Variants in FERRY3 observed in about 807,000 individuals in gnomAD.
FERRY3 encodes the protein protein C12orf4.
chr12:4,492,893 C>T, the FERRY3 span, among the ~76,000 whole-genome samples: 3 of 152,166 alleles, frequency 2.0e-5, no homozygotes, highest in African/African-American at 2.4e-5. Flanking sequence ...GCCAAAGCTA[C>T]TTTAAGCTTC....
At chr12:4,529,808 T>C in the FERRY3 span, 2 of 1,348,464 alleles carry the variant, frequency 1.5e-6, no homozygotes, top group Non-Finnish European at 2.0e-6. Flanking sequence ...CAAGTTGTTC[T>C]GCAGGCCATC....
the FERRY3 span, chr12:4,535,963 C>A: frequency 7.3e-7 from 1 of 1,366,568 alleles, no homozygotes; most frequent in Middle Eastern, 1.9e-4. The surrounding 1 kb of genome is among the most constrained non-coding windows in gnomAD (Gnocchi z 4.0). Context: ...CTTCCAATGA[C>A]AGACTATTGA....
chr12:4,491,902 G>A, the FERRY3 span, among the ~76,000 whole-genome samples: 15,561 of 152,080 alleles, frequency 0.1, 890 homozygotes, highest in Non-Finnish European at 0.11. Flanking sequence ...AAACTTTGCG[G>A]GTCTCAGGAT....
chr12:4,504,638 G>T, the FERRY3 span, among the ~76,000 whole-genome samples: 2 of 152,318 alleles, frequency 1.3e-5, no homozygotes, highest in Non-Finnish European at 2.9e-5. Context: ...AGGCTGAGAA[G>T]TGTATAGTTT....
At chr12:4,534,248 T>C in the FERRY3 span, 2 of 1,612,714 alleles carry the variant, frequency 1.2e-6, no homozygotes, top group Non-Finnish European at 1.7e-6. Flanking sequence ...AGCATCTCTA[T>C]CATAATCGCT....
the FERRY3 span, chr12:4,500,268 T>C: frequency 7.4e-6 from 12 of 1,613,966 alleles, no homozygotes; most frequent in Non-Finnish European, 6.8e-6. Flanking sequence ...CGATTTCACA[T>C]GGTCATCCAC....
the FERRY3 span, among the ~76,000 whole-genome samples, chr12:4,529,222 G>A: frequency 7.2e-5 from 11 of 152,152 alleles, no homozygotes; most frequent in African/African-American, 2.6e-4. Context: ...AATAATAAAA[G>A]CATTGTTTGT....
chr12:4,509,542 T>A, the FERRY3 span, among the ~76,000 whole-genome samples: 4 of 149,182 alleles, frequency 2.7e-5, no homozygotes, highest in Admixed American at 2.6e-4. Context: ...AGCACGCGGC[T>A]GGAGATCTGA....
the FERRY3 span, among the ~76,000 whole-genome samples, chr12:4,526,720 T>G: frequency 6.6e-6 from 1 of 151,964 alleles, no homozygotes; most frequent in East Asian, 1.9e-4. Context: ...CGGGCGCCTG[T>G]AATCCCAGCT....
chr12:4,488,030 T>G, the FERRY3 span: 1 of 152,342 alleles, frequency 6.6e-6, no homozygotes, highest in South Asian at 2.1e-4. The surrounding 1 kb of genome is among the most constrained non-coding windows in gnomAD (Gnocchi z 4.9). Context: ...ATATATTTAT[T>G]ATTAGCTTGG....
At chr12:4,536,728 G>A in the FERRY3 span, among the ~76,000 whole-genome samples, 13 of 152,224 alleles carry the variant, frequency 8.5e-5, no homozygotes, top group African/African-American at 3.1e-4. Flanking sequence ...AGAAAAGAGA[G>A]AGTACAGGAC....
chr12:4,493,859 G>A, the FERRY3 span, among the ~76,000 whole-genome samples: 251 of 152,264 alleles, frequency 1.6e-3, no homozygotes, highest in African/African-American at 5.6e-3. Context: ...TTGGGAGGCC[G>A]AGGCAGGCGG....
At chr12:4,510,765 C>A in the FERRY3 span, among the ~76,000 whole-genome samples, 5 of 143,846 alleles carry the variant, frequency 3.5e-5, no homozygotes, top group African/African-American at 5.3e-5. Context: ...TGGAAAGGAA[C>A]AACCGGTACC....
the FERRY3 span, chr12:4,500,028 A>T: frequency 3.8e-6 from 4 of 1,053,876 alleles, no homozygotes; most frequent in Admixed American, 9.6e-5. Context: ...GAGATGCAAA[A>T]ATCCATTAGT....
At chr12:4,513,634 G>A in the FERRY3 span, among the ~76,000 whole-genome samples, 1 of 152,130 alleles carries the variant, frequency 6.6e-6, no homozygotes, top group African/African-American at 2.4e-5. Flanking sequence ...AGAAAAACAA[G>A]CAATGGGGAA....
At chr12:4,520,306 T>C in the FERRY3 span, among the ~76,000 whole-genome samples, 1 of 152,156 alleles carries the variant, frequency 6.6e-6, no homozygotes, top group Non-Finnish European at 1.5e-5. Context: ...AGAATCAAGA[T>C]ACACGAGGCT....
chr12:4,521,782 G>A, the FERRY3 span, among the ~76,000 whole-genome samples: 3 of 152,266 alleles, frequency 2.0e-5, no homozygotes, highest in East Asian at 5.8e-4. Context: ...ATATATCTGT[G>A]TGAAACAATA....
At chr12:4,532,194 T>C in the FERRY3 span, among the ~76,000 whole-genome samples, 2 of 151,648 alleles carry the variant, frequency 1.3e-5, no homozygotes, top group Admixed American at 6.6e-5. Flanking sequence ...AGCCAAAAGA[T>C]TGGACACCCC....
At chr12:4,514,320 T>C in the FERRY3 span, among the ~76,000 whole-genome samples, 1 of 151,014 alleles carries the variant, frequency 6.6e-6, no homozygotes, top group Non-Finnish European at 1.5e-5. Context: ...GTTCAACCAC[T>C]GTGGAAGTCA....
Sources: gnomAD v4.1 joint callset for allele counts (sites outside exome capture counted in the v4.1 genomes callset) on GRCh38, gnomAD v4.1.1 for gene constraint, Gnocchi (gnomAD v3.1) non-coding constraint, MANE v1.5 for transcripts, NCBI Gene and HGNC (gene_info 2026-07-23, HGNC 2026-07-21) for gene names.